Variants in CNBD1 observed in about 807,000 individuals in gnomAD.
The protein encoded by CNBD1 is cyclic nucleotide-binding domain-containing protein 1.
In CNBD1, 71 loss-of-function variants were observed where a neutral mutation model predicts 54.4. The observed-to-expected ratio is 1.30, with a 90% CI of 1.08 to 1.59. The LOEUF (loss-of-function observed/expected upper bound fraction) is 1.59. Ranked by LOEUF, CNBD1 falls within the 40% of genes most tolerant of loss-of-function variation. The pLI, the probability that CNBD1 is intolerant of heterozygous loss-of-function variation, is 0.00. For synonymous variants in CNBD1, 182 were observed against 170.7 expected (o/e 1.07, Z -0.51); for missense variants, 659 against 518.0 (o/e 1.27, Z -2.64).
chr8:86,994,079 T>A (rs1013039781), intron 4 of CNBD1, among the ~76,000 whole-genome samples: 1 of 152,190 alleles, frequency 6.6e-6, no homozygotes, highest in African/African-American at 2.4e-5. Flanking sequence ...TCCTGCATGT[T>A]TCATCCCTCT....
chr8:87,224,872 T>G (rs1363592315), intron 5 of CNBD1, among the ~76,000 whole-genome samples: 1 of 151,946 alleles, frequency 6.6e-6, no homozygotes, highest in Admixed American at 6.6e-5. Flanking sequence ...TTCCTACCCA[T>G]GAGCATGGAA....
intron 8 of CNBD1, among the ~76,000 whole-genome samples, chr8:87,350,103 A>G (rs1304024409): frequency 1.1e-4 from 16 of 152,194 alleles, no homozygotes; most frequent in African/African-American, 3.9e-4. Context: ...CTGATTGACT[A>G]AAAGAAGATA....
intron 5 of CNBD1, among the ~76,000 whole-genome samples, chr8:87,207,574 T>C (rs2130798579): frequency 6.6e-6 from 1 of 152,086 alleles, no homozygotes; most frequent in East Asian, 1.9e-4. Context: ...GGGAGTGAAA[T>C]TGAGGGGTGA....
chr8:86,892,401 GA>G (rs1808782853), intron 2 of CNBD1, among the ~76,000 whole-genome samples: 1 of 151,996 alleles, frequency 6.6e-6, no homozygotes. Flanking sequence ...CAATATGATA[GA>G]ATCATAGAAT....
chr8:87,376,951 T>G (rs574175242), intron 10 of CNBD1, among the ~76,000 whole-genome samples: 82 of 151,100 alleles, frequency 5.4e-4, no homozygotes, highest in African/African-American at 1.9e-3. Context: ...GAGCACATCT[T>G]GGAACCCAAA....
At chr8:87,318,919 G>C (rs764005451) in intron 8 of CNBD1, among the ~76,000 whole-genome samples, 1 of 152,136 alleles carries the variant, frequency 6.6e-6, no homozygotes, top group South Asian at 2.1e-4. Context: ...AGCCAAACTT[G>C]TAAGAGTTTT....
chr8:87,220,796 G>C (rs149555872), intron 5 of CNBD1, among the ~76,000 whole-genome samples: 1 of 151,760 alleles, frequency 6.6e-6, no homozygotes, highest in Non-Finnish European at 1.5e-5. Flanking sequence ...TTGTATTTTG[G>C]ATTATTTATT....
intron 8 of CNBD1, among the ~76,000 whole-genome samples, chr8:87,305,535 A>G (rs951224638): frequency 5.3e-5 from 8 of 152,208 alleles, no homozygotes; most frequent in Non-Finnish European, 1.0e-4. Context: ...CCAAAACAGC[A>G]TGGGATTGGT....
chr8:87,051,186 A>T (rs1810303428), intron 4 of CNBD1, among the ~76,000 whole-genome samples: 1 of 152,120 alleles, frequency 6.6e-6, no homozygotes, highest in African/African-American at 2.4e-5. Flanking sequence ...GAAAAATTTC[A>T]AGTTAAGGGC....
At chr8:86,999,034 A>G (rs1292248472) in intron 4 of CNBD1, among the ~76,000 whole-genome samples, 1 of 152,178 alleles carries the variant, frequency 6.6e-6, no homozygotes, top group Non-Finnish European at 1.5e-5. Context: ...TAATCACAAG[A>G]GCTATCTGCT....
rs187794283 is a variant in CNBD1 at position 87,267,078 on chromosome 8, C to T, written c.772-17600C>T. ...TCTAAGTAAATGAAAAGACAAGGCA[C>T]ACACTGAGTGAAGATATCTGCATCA... On this transcript the variant is annotated intron_variant, in intron 6 of 10. Transcript: ENST00000518476. Among the ~76,000 whole-genome samples the T allele has an allele frequency of 7.1e-3, 1,080 of 152,194 alleles. 9 individuals carry two copies. Among genetic ancestry groups the T allele is most frequent in the Non-Finnish European group, 9.2e-3 (628 of 68,012 alleles).
At chr8:87,332,457 G>T (rs745449942) in intron 8 of CNBD1, among the ~76,000 whole-genome samples, 1 of 152,000 alleles carries the variant, frequency 6.6e-6, no homozygotes, top group East Asian at 1.9e-4. Context: ...ATTTACCCAT[G>T]CCTATTTCCT....
chr8:87,030,118 G>T (rs58814997), intron 4 of CNBD1, among the ~76,000 whole-genome samples: 4,594 of 152,144 alleles, frequency 0.03, 238 homozygotes, highest in African/African-American at 0.1. Flanking sequence ...TTTCAAAAAT[G>T]TTATTTTAAA....
intron 2 of CNBD1, among the ~76,000 whole-genome samples, chr8:86,903,318 G>A (rs1289607553): frequency 1.3e-5 from 2 of 152,088 alleles, no homozygotes; most frequent in African/African-American, 4.8e-5. Context: ...AAAAGTCTTA[G>A]TATTTGGAAA....
chr8:87,243,484 C>T (rs561567658), intron 6 of CNBD1, among the ~76,000 whole-genome samples: 8 of 152,222 alleles, frequency 5.3e-5, no homozygotes, highest in East Asian at 3.9e-4. Context: ...CTTCTGAGTA[C>T]GCCATTCCCT....
intron 4 of CNBD1, among the ~76,000 whole-genome samples, chr8:87,108,613 T>G (rs1377284602): frequency 2.0e-5 from 3 of 152,140 alleles, no homozygotes; most frequent in African/African-American, 7.2e-5. Flanking sequence ...TAAAAGAAGG[T>G]GTGTTGGAGG....
At chr8:87,306,841 T>G (rs1401678348) in intron 8 of CNBD1, among the ~76,000 whole-genome samples, 2 of 151,942 alleles carry the variant, frequency 1.3e-5, no homozygotes, top group Non-Finnish European at 2.9e-5. Context: ...TGCCCCAAAA[T>G]CTCACAAATC....
chr8:87,342,835 C>G (rs1395039680), intron 8 of CNBD1, among the ~76,000 whole-genome samples: 1 of 152,090 alleles, frequency 6.6e-6, no homozygotes, highest in African/African-American at 2.4e-5. Flanking sequence ...GATGAGGGTC[C>G]ATGTCCCACT....
At chr8:87,109,221 A>G (rs1416982583) in intron 4 of CNBD1, among the ~76,000 whole-genome samples, 1 of 152,060 alleles carries the variant, frequency 6.6e-6, no homozygotes, top group East Asian at 1.9e-4. Flanking sequence ...ATTAAACCCT[A>G]AGTGTATCCA....
Sources: gnomAD v4.1 joint callset for allele counts (sites outside exome capture counted in the v4.1 genomes callset) on GRCh38, gnomAD v4.1.1 for gene constraint, MANE v1.5 for transcripts, NCBI Gene and HGNC (gene_info 2026-07-23, HGNC 2026-07-21) for gene names.